The following NTRK2 variants were observed in gnomAD, a reference collection of about 807,000 sequenced individuals.
The protein encoded by NTRK2 is neurotrophic receptor tyrosine kinase 2.
In NTRK2, 13 loss-of-function variants were observed where a neutral mutation model predicts 94.5. The ratio of observed to expected loss-of-function variants is 0.14; its 90% CI spans 0.09 to 0.22. The LOEUF (loss-of-function observed/expected upper bound fraction) is 0.22, where lower values mean the gene tolerates loss of function less well. NTRK2 is among the 10% of genes least tolerant of loss of function. The pLI is 1.00. For missense variants in NTRK2, 639 were observed against 1,071.2 expected (o/e 0.60, Z 5.63); for synonymous variants, 372 against 407.4 (o/e 0.91, Z 1.05).
intron 17 of NTRK2, among the ~76,000 whole-genome samples, chr9:85,013,122 G>A (rs73470047): frequency 0.015 from 2,351 of 152,180 alleles, 59 homozygotes; most frequent in African/African-American, 0.054. Context: ...TGTTCATTCC[G>A]GAGTGAGAGA....
chr9:84,927,300 GTTA>G (rs2077855633), intron 14 of NTRK2, among the ~76,000 whole-genome samples: 1 of 152,128 alleles, frequency 6.6e-6, no homozygotes, highest in Non-Finnish European at 1.5e-5. Flanking sequence ...CTTGACTTCA[GTTA>G]TTATTACAGT....
At chr9:84,907,495 C>CT (rs1206109529) in intron 14 of NTRK2, among the ~76,000 whole-genome samples, 1 of 152,118 alleles carries the variant, frequency 6.6e-6, no homozygotes, top group Non-Finnish European at 1.5e-5. Context: ...TCATTTACTT[C>CT]TTTTTCAAAA....
chr9:84,928,782 C>T (rs1292403042), intron 14 of NTRK2, among the ~76,000 whole-genome samples: 1 of 152,150 alleles, frequency 6.6e-6, no homozygotes, highest in African/African-American at 2.4e-5. Context: ...CATTTAGGAC[C>T]ACAGGGAAAC....
chr9:84,768,698 G>C (rs2066254832), intron 12 of NTRK2, among the ~76,000 whole-genome samples: 1 of 152,128 alleles, frequency 6.6e-6, no homozygotes, highest in African/African-American at 2.4e-5. Flanking sequence ...AAGAAAACCA[G>C]AGCTCAGGAC....
At chr9:84,696,170 C>G (rs1049109076) in intron 2 of NTRK2, among the ~76,000 whole-genome samples, 24 of 152,126 alleles carry the variant, frequency 1.6e-4, no homozygotes, top group African/African-American at 5.8e-4. Flanking sequence ...CCACCATGCC[C>G]AGCTAATTTT....
intron 14 of NTRK2, chr9:84,877,433 T>A (rs1409574149): frequency 9.4e-7 from 1 of 1,065,912 alleles, no homozygotes; most frequent in Non-Finnish European, 1.1e-6. Flanking sequence ...TGGGTGGGTA[T>A]GGATAGATGT....
At chr9:84,958,389 A>G (rs1353490146) in intron 17 of NTRK2, among the ~76,000 whole-genome samples, 3 of 152,250 alleles carry the variant, frequency 2.0e-5, no homozygotes, top group Non-Finnish European at 4.4e-5. Flanking sequence ...GCCATCTACC[A>G]TATTTTAACA....
chr9:85,002,427 G>C (rs1387326621), intron 17 of NTRK2, among the ~76,000 whole-genome samples: 1 of 152,160 alleles, frequency 6.6e-6, no homozygotes, highest in Non-Finnish European at 1.5e-5. Flanking sequence ...TCTCTTGGCG[G>C]CATTTTACTT....
intron 12 of NTRK2, among the ~76,000 whole-genome samples, chr9:84,817,901 T>C (rs1025531873): frequency 3.9e-5 from 6 of 152,238 alleles, no homozygotes; most frequent in African/African-American, 7.2e-5. Context: ...TTAAAAATAC[T>C]TCATAATTTG....
rs192434393 is a variant in NTRK2, at chr9:84,907,520, C to T, written c.1634-26642C>T. 1.4e-4 allele frequency among the ~76,000 whole-genome samples: 21 copies of T among 152,274 alleles called. 1 individual carries two copies. Among genetic ancestry groups the T allele is most frequent in the African/African-American group, 4.8e-4 (20 of 41,568 alleles). On this transcript the variant is annotated intron_variant, in intron 14 of 18. Coordinates refer to ENST00000277120, the MANE Select transcript of NTRK2 (RefSeq NM_006180.6). ...CTTTTTCAAAATGTGGAACAAAAAA[C>T]AGCACACATATTTTTGTGCCTGCCT...
chr9:84,872,164 C>T, intron 14 of NTRK2: 1 of 1,188,496 alleles, frequency 8.4e-7, no homozygotes, highest in African/African-American at 1.5e-5. Flanking sequence ...AACACCACAT[C>T]ACCTGACAGC....
intron 14 of NTRK2, among the ~76,000 whole-genome samples, chr9:84,898,593 G>GC (rs2076831415): frequency 1.3e-5 from 2 of 151,526 alleles, no homozygotes; most frequent in Non-Finnish European, 2.9e-5. Flanking sequence ...GGCAACCAAA[G>GC]CCCAGGGATT....
At chr9:84,852,487 G>A (rs1012451629) in intron 12 of NTRK2, among the ~76,000 whole-genome samples, 1 of 152,160 alleles carries the variant, frequency 6.6e-6, no homozygotes, top group South Asian at 2.1e-4. Flanking sequence ...ACTTTCTCAC[G>A]TCTGTCAACT....
chr9:84,850,215 A>G (rs1478853031), intron 12 of NTRK2, among the ~76,000 whole-genome samples: 1 of 152,060 alleles, frequency 6.6e-6, no homozygotes, highest in African/African-American at 2.4e-5. Flanking sequence ...TGGGGAAAAA[A>G]AAAACAAAAA....
rs562511038 is a variant in NTRK2, at chr9:84,991,372, A to G, written c.2173-28834A>G. Among the ~76,000 whole-genome samples the G allele has an allele frequency of 2.2e-3, 328 of 152,312 alleles. 1 individual carries two copies. The highest frequency in any genetic ancestry group is 6.8e-3 in the Admixed American group (104 of 15,302). On this transcript the variant is annotated intron_variant, in intron 17 of 18. Transcript: ENST00000277120. ...GCACCCCGTGGATGTGGCGATATGA[A>G]CATTAGTTATGCAGATGAAGTCTCT...
chr9:84,726,423 G>T (rs370260307), intron 8 of NTRK2, among the ~76,000 whole-genome samples: 1 of 152,182 alleles, frequency 6.6e-6, no homozygotes, highest in African/African-American at 2.4e-5. Flanking sequence ...GGAGGCAGAG[G>T]TTGCAGTAAG....
chr9:84,931,866 G>A (rs991057385), intron 14 of NTRK2, among the ~76,000 whole-genome samples: 10 of 152,102 alleles, frequency 6.6e-5, no homozygotes, highest in African/African-American at 2.4e-4. Context: ...CTAATTATCT[G>A]CAAGAATTAC....
chr9:84,968,356 A>G (rs1825800977), intron 17 of NTRK2, among the ~76,000 whole-genome samples: 2 of 152,204 alleles, frequency 1.3e-5, no homozygotes, highest in African/African-American at 2.4e-5. Flanking sequence ...TTGTAATCAT[A>G]AAAGATCCAT....
At chr9:84,870,385 G>A (rs1229192286) in intron 14 of NTRK2, among the ~76,000 whole-genome samples, 4 of 120,500 alleles carry the variant, frequency 3.3e-5, no homozygotes, top group Non-Finnish European at 6.9e-5. Flanking sequence ...CACCCAGGCT[G>A]GAGTGCAATG....
Sources: gnomAD v4.1 joint callset for allele counts (sites outside exome capture counted in the v4.1 genomes callset) on GRCh38, gnomAD v4.1.1 for gene constraint, MANE v1.5 for transcripts, NCBI Gene and HGNC (gene_info 2026-07-23, HGNC 2026-07-21) for gene names.